Variants in DMD observed in about 807,000 individuals in gnomAD.
The protein encoded by DMD is mutant dystrophin.
DMD carries 63 observed loss-of-function variants against 330.1 expected under a neutral mutation model. That is an observed-to-expected ratio of 0.19 (90% CI 0.16 to 0.24). The LOEUF (loss-of-function observed/expected upper bound fraction) is 0.24. DMD is among the 10% of genes least tolerant of loss of function. The pLI, the probability that DMD is intolerant of heterozygous loss-of-function variation, is 1.00. For missense variants in DMD, 3,344 were observed against 2,684.1 expected (o/e 1.25, Z -5.43); for synonymous variants, 1,223 against 959.8 (o/e 1.27, Z -5.07).
intron 2 of DMD, among the ~76,000 whole-genome samples, chrX:32,906,835 A>G (rs1018202639): frequency 9.0e-6 from 1 of 111,520 alleles, no homozygotes; most frequent in Non-Finnish European, 1.9e-5. Context: ...GTTGAGAGGG[A>G]CTGTACTAAT....
intron 55 of DMD, among the ~76,000 whole-genome samples, chrX:31,606,517 T>C (rs2077618122): frequency 9.0e-6 from 1 of 111,706 alleles, no homozygotes; most frequent in Non-Finnish European, 1.9e-5. Context: ...ACACAGTTGC[T>C]TTCGTTATAA....
intron 9 of DMD, among the ~76,000 whole-genome samples, chrX:32,690,659 G>A (rs1221104941): frequency 9.9e-6 from 1 of 100,771 alleles, no homozygotes; most frequent in Non-Finnish European, 1.9e-5. Flanking sequence ...TAGACCAATA[G>A]AACAGAATAG....
chrX:32,996,828 A>C (rs1018252259), intron 2 of DMD, among the ~76,000 whole-genome samples: 1 of 111,288 alleles, frequency 9.0e-6, no homozygotes, highest in Admixed American at 9.5e-5. Context: ...AAAAAAAAAA[A>C]ACTAGCTTGC....
chrX:33,245,761 T>C (rs2052654689), intron 1 of DMD, among the ~76,000 whole-genome samples: 1 of 112,577 alleles, frequency 8.9e-6, no homozygotes, highest in Non-Finnish European at 1.9e-5. Flanking sequence ...GAGTTTTGCA[T>C]GATTCCACAT....
At chrX:32,249,642 T>A (rs2097255532) in intron 43 of DMD, among the ~76,000 whole-genome samples, 1 of 111,799 alleles carries the variant, frequency 8.9e-6, no homozygotes, top group African/African-American at 3.2e-5. Context: ...CTCAGGTCAA[T>A]CTAATTCCAA....
chrX:32,499,022 T>C (rs186808595), intron 19 of DMD, among the ~76,000 whole-genome samples: 19 of 112,105 alleles, frequency 1.7e-4, no homozygotes, highest in Middle Eastern at 4.7e-3. Context: ...CAATGCTTCA[T>C]AGACATTTAG....
intron 16 of DMD, among the ~76,000 whole-genome samples, chrX:32,555,287 C>G (rs946185010): frequency 9.0e-6 from 1 of 110,909 alleles, no homozygotes; most frequent in Admixed American, 9.6e-5. Context: ...AACTAGGTAT[C>G]GAAGGAACAT....
Position 32,775,676 on chromosome X carries a change from G to A in DMD, c.649+33817C>T, listed in dbSNP as rs1400149642. On this transcript the variant is annotated intron_variant, in intron 7 of 78. Coordinates refer to ENST00000357033, the MANE Select transcript of DMD (RefSeq NM_004006.3). ...GCTGCACAGAGCAGTGGGGCCTTGG[G>A]CCTGGCCCACCAAACCATTTTTCCC... Among the ~76,000 whole-genome samples, 3 of 113,059 alleles carry A rather than the reference G, an allele frequency of 2.7e-5. No individual in the cohort carries two copies. The East Asian group carries it at 8.4e-4, about 32-fold the overall frequency.
chrX:32,172,748 T>C (rs1188090190), intron 44 of DMD, among the ~76,000 whole-genome samples: 2 of 112,336 alleles, frequency 1.8e-5, no homozygotes, highest in Non-Finnish European at 3.8e-5. Context: ...TTTCTGTTTA[T>C]GTGGCCAGTT....
At chrX:32,317,098 A>G (rs1427829397) in intron 41 of DMD, among the ~76,000 whole-genome samples, 3 of 111,150 alleles carry the variant, frequency 2.7e-5, no homozygotes, top group African/African-American at 9.8e-5. Flanking sequence ...TTGAAAATCA[A>G]CTTGCTTTTG....
Position 31,486,863 on chromosome X carries a change from C to A in DMD, c.8548-7760G>T, listed in dbSNP as rs982364067. Among the ~76,000 whole-genome samples, 3 of 111,734 alleles carry A rather than the reference C, an allele frequency of 2.7e-5. No homozygotes were observed. In the Admixed American group the frequency reaches 2.9e-4, roughly 11 times the overall value. On this transcript the variant is annotated intron_variant, in intron 57 of 78. Coordinates refer to ENST00000357033, the MANE Select transcript of DMD (RefSeq NM_004006.3). ...AAAGTTGCTGAATATATTCTGTCAC[C>A]AAAAGGACCTTCTTTATTTAAAGAG...
At chrX:31,483,817 TATC>T (rs904864819) in intron 57 of DMD, among the ~76,000 whole-genome samples, 1 of 112,170 alleles carries the variant, frequency 8.9e-6, no homozygotes, top group South Asian at 3.6e-4. Flanking sequence ...CAATAATTCT[TATC>T]ATGTGGGAAA....
intron 48 of DMD, among the ~76,000 whole-genome samples, chrX:31,866,128 TC>T (rs2093795150): frequency 9.0e-6 from 1 of 111,540 alleles, no homozygotes; most frequent in African/African-American, 3.3e-5. Context: ...TCCTCCTTCT[TC>T]CTTTGACTAC....
intron 32 of DMD, among the ~76,000 whole-genome samples, chrX:32,388,320 A>C (rs1356378256): frequency 2.2e-5 from 2 of 90,211 alleles, no homozygotes; most frequent in African/African-American, 4.6e-5. Context: ...TGAATAAGGC[A>C]CTTGGGTCAT....
chrX:31,449,791 T>TAG lies in DMD; in HGVS notation c.8938-5165_8938-5164insCT, dbSNP rs1164127132. On this transcript the variant is annotated intron_variant, in intron 59 of 78. Transcript: ENST00000357033. ...ATATATATATATATATATATATATA[T>TAG]ATATATAGATAGATAGATAGATAGA... 3.3e-3 allele frequency among the ~76,000 whole-genome samples: 294 copies of TAG among 88,252 alleles called. 1 individual carries two copies. The highest frequency in any genetic ancestry group is 0.012 in the South Asian group (21 of 1,726). 76.6% of individuals were successfully genotyped at this position (88,252 alleles called of 115,157 possible).
At chrX:32,097,353 T>C (rs1168464575) in intron 44 of DMD, among the ~76,000 whole-genome samples, 1 of 111,322 alleles carries the variant, frequency 9.0e-6, no homozygotes, top group East Asian at 2.9e-4. Context: ...ATGCGGTGTC[T>C]GTTTTTCCAT....
chrX:31,705,109 G>T, intron 52 of DMD, among the ~76,000 whole-genome samples: 1 of 112,221 alleles, frequency 8.9e-6, no homozygotes, highest in Non-Finnish European at 1.9e-5. Flanking sequence ...TTAAAGCAGG[G>T]AAGTGACACC....
intron 1 of DMD, among the ~76,000 whole-genome samples, chrX:33,030,752 C>T (rs962128060): frequency 9.0e-6 from 1 of 111,433 alleles, no homozygotes; most frequent in African/African-American, 3.3e-5. Flanking sequence ...CTCAATATTA[C>T]TTTTAAAAGA....
intron 62 of DMD, among the ~76,000 whole-genome samples, chrX:31,302,190 A>C (rs1207806728): frequency 8.9e-6 from 1 of 111,934 alleles, no homozygotes; most frequent in African/African-American, 3.3e-5. Context: ...CTATTACGCT[A>C]TCTAAGATGC....
Sources: allele counts gnomAD v4.1 joint callset (sites outside exome capture counted in the v4.1 genomes callset), GRCh38; gene constraint gnomAD v4.1.1; transcripts MANE v1.5; gene names NCBI Gene and HGNC (gene_info 2026-07-23, HGNC 2026-07-21).